The following APOLD1 variants were observed in gnomAD, a reference collection of about 807,000 sequenced individuals.
APOLD1 encodes the protein apolipoprotein L domain containing 1.
A neutral mutation model predicts 15.3 loss-of-function variants in APOLD1; 22 were observed. That is an observed-to-expected ratio of 1.44 (90% CI 1.03 to 2.05). The LOEUF (loss-of-function observed/expected upper bound fraction) is 2.05. Among genes scored for constraint, APOLD1 ranks in the 30% most tolerant of loss-of-function variants. The probability of loss-of-function intolerance (pLI) is 0.00; values close to 1 mark genes in which losing one functional copy is unlikely to be tolerated. For synonymous variants in APOLD1, 190 were observed against 167.4 expected, an observed-to-expected ratio of 1.13 and a Z score of -1.04; for missense variants, 394 against 353.5, an observed-to-expected ratio of 1.11 and a Z score of -0.92.
At chr12:12,764,109 C>G (rs1437474834) in intron 1 of APOLD1, among the ~76,000 whole-genome samples, 1 of 152,068 alleles carries the variant, frequency 6.6e-6, no homozygotes, top group African/African-American at 2.4e-5. Flanking sequence ...ATTGCAGGTG[C>G]CTGCCACCAT....
intron 1 of APOLD1, chr12:12,771,497 A>C: frequency 4.0e-6 from 2 of 494,460 alleles, no homozygotes; most frequent in Non-Finnish European, 7.9e-6. Context: ...TTTCCAGCAA[A>C]TTGGCAGAGA....
At chr12:12,736,191 A>C (rs79375472) in intron 1 of APOLD1, among the ~76,000 whole-genome samples, 32,122 of 151,992 alleles carry the variant, frequency 0.21, 4,193 homozygotes, top group East Asian at 0.45. Flanking sequence ...CTCTACTAAA[A>C]ATACAAAAAA....
chr12:12,744,433 A>AC (rs1189019755), intron 1 of APOLD1, among the ~76,000 whole-genome samples: 5 of 151,060 alleles, frequency 3.3e-5, no homozygotes, highest in African/African-American at 4.9e-5. Context: ...ACATGGTGAA[A>AC]CCCCATCTCT....
Position 12,788,641 on chromosome 12 carries a change from A to G in APOLD1, c.*989A>G, listed in dbSNP as rs975680099. 2.0e-5 allele frequency: 3 copies of G among 152,156 alleles called. No homozygotes were observed. The highest frequency in any genetic ancestry group is 7.2e-5 in the African/African-American group (3 of 41,436). 9.4% of individuals were successfully genotyped at this position (152,156 alleles called of 1,614,324 possible). On this transcript the variant is annotated 3_prime_UTR_variant, in exon 2 of 2. Transcript: ENST00000356591. ...CACCCAGGAACTTGTTAGAAAGGCA[A>G]ATTCTTGGACACAACCCTCCTGATT...
intron 1 of APOLD1, among the ~76,000 whole-genome samples, chr12:12,740,946 A>G (rs1325256590): frequency 6.6e-6 from 1 of 152,170 alleles, no homozygotes; most frequent in South Asian, 2.1e-4. Context: ...CAGAATGCCA[A>G]TTACTCAATA....
Position 12,787,462 on chromosome 12 carries a change from G to T in APOLD1, c.557G>T (p.Gly186Val), listed in dbSNP as rs753531326. The T allele has an allele frequency of 6.2e-7, 1 of 1,614,188 alleles. No individual in the cohort carries two copies. Among genetic ancestry groups the T allele is most frequent in the South Asian group, 1.1e-5 (1 of 91,088 alleles). ...TTCCTCATCCCCAGGCGGGCGGAGG[G>T]GGACACCAAGGTTAGCCAGGCCGTG... ...RGFLIPRRAE[G>V]DTKVSQAVLK... Residue 186 changes from glycine to valine, a missense_variant, in exon 2 of 2, where the codon GGG becomes GTG. Coordinates refer to ENST00000356591, the MANE Select transcript of APOLD1 (RefSeq NM_030817.3). This position sits in a 1 kb window ranked among gnomAD's most constrained non-coding sequence, Gnocchi z 4.9.
chr12:12,783,139 G>A (rs1387016846), upstream of APOLD1, among the ~76,000 whole-genome samples: 1 of 152,112 alleles, frequency 6.6e-6, no homozygotes, highest in Non-Finnish European at 1.5e-5. Flanking sequence ...CTGGGAGGCG[G>A]AGATTGCAGT....
At chr12:12,726,985 G>A (rs879225121) in intron 1 of APOLD1, among the ~76,000 whole-genome samples, 2 of 152,246 alleles carry the variant, frequency 1.3e-5, no homozygotes, top group Admixed American at 1.3e-4. Context: ...TCAAGCACTA[G>A]TCTTGGATGA....
intron 1 of APOLD1, among the ~76,000 whole-genome samples, chr12:12,772,251 A>G (rs2136392719): frequency 6.6e-6 from 1 of 152,284 alleles, no homozygotes; most frequent in Admixed American, 6.5e-5. Flanking sequence ...TATATAAGAA[A>G]CCCACTTTAA....
At chr12:12,764,598 A>G in intron 1 of APOLD1, 1 of 363,534 alleles carries the variant, frequency 2.8e-6, no homozygotes, top group Non-Finnish European at 5.6e-6. Context: ...TTTAATTTTT[A>G]TAATATATTT....
chr12:12,773,624 A>G (rs1298873400), intron 1 of APOLD1, among the ~76,000 whole-genome samples: 2 of 152,220 alleles, frequency 1.3e-5, no homozygotes, highest in Non-Finnish European at 2.9e-5. Context: ...GAAATTAAAA[A>G]TAGGAAATCA....
chr12:12,750,005 T>C (rs1592295409), intron 1 of APOLD1, among the ~76,000 whole-genome samples: 1 of 152,216 alleles, frequency 6.6e-6, no homozygotes, highest in Admixed American at 6.5e-5. Flanking sequence ...CAGCTTAAGC[T>C]GTACTTGTCA....
At chr12:12,758,183 AC>A (rs949413731) in intron 1 of APOLD1, among the ~76,000 whole-genome samples, 1 of 144,674 alleles carries the variant, frequency 6.9e-6, no homozygotes, top group Non-Finnish European at 1.5e-5. Context: ...TGATCTGCCC[AC>A]CTTGGCCTCC....
At chr12:12,761,804 TGAAC>T (rs1451110090) in intron 1 of APOLD1, among the ~76,000 whole-genome samples, 3,980 of 140,316 alleles carry the variant, frequency 0.028, 305 homozygotes, top group African/African-American at 0.11. Flanking sequence ...TATATATACA[TGAAC>T]ATATACATAT....
At chr12:12,769,872 T>G (rs1315839032) in intron 1 of APOLD1, among the ~76,000 whole-genome samples, 2 of 152,182 alleles carry the variant, frequency 1.3e-5, no homozygotes, top group African/African-American at 2.4e-5. Flanking sequence ...GACTGTAGAA[T>G]GCTTCCTTTC....
At position 12,790,990 on chromosome 12, in the gene APOLD1, A is replaced by T. The variant is rs1179146102; in HGVS notation, c.*3338A>T. 2.6e-5 allele frequency: 4 copies of T among 152,136 alleles called. No individual in the cohort carries two copies. The highest frequency in any genetic ancestry group is 9.7e-5 in the African/African-American group (4 of 41,436). The allele number at this position is 152,136 out of a possible 1,614,324, so 9.4% of individuals were successfully genotyped here. A position where few individuals can be genotyped will look rare whatever the true frequency, so the allele number is the denominator to read the frequency against. On this transcript the variant is annotated 3_prime_UTR_variant, in exon 2 of 2. Coordinates refer to ENST00000356591, the MANE Select transcript of APOLD1 (RefSeq NM_030817.3). ...AAATGCCAAAGTTTGAAAAATAGGT[A>T]TGTTTGTTCTAAATGTTTAAGTGCT...
At chr12:12,751,003 G>A (rs1946809033) in intron 1 of APOLD1, among the ~76,000 whole-genome samples, 2 of 150,828 alleles carry the variant, frequency 1.3e-5, no homozygotes, top group Admixed American at 6.6e-5. Flanking sequence ...TGCCCCAGCT[G>A]TTGTTGAACT....
chr12:12,778,180 T>C (rs1179956841), intron 1 of APOLD1, among the ~76,000 whole-genome samples: 1 of 152,050 alleles, frequency 6.6e-6, no homozygotes. Context: ...TCCGCCAGCC[T>C]TGGACTCCCA....
intron 1 of APOLD1, chr12:12,771,473 T>G: frequency 4.1e-6 from 2 of 483,050 alleles, no homozygotes; most frequent in Non-Finnish European, 8.1e-6. Context: ...CAGTGCAAAG[T>G]TTTTCATCTG....
Sources: allele counts gnomAD v4.1 joint callset (sites outside exome capture counted in the v4.1 genomes callset), GRCh38; gene constraint gnomAD v4.1.1; non-coding constraint Gnocchi (gnomAD v3.1); transcripts MANE v1.5; gene names NCBI Gene and HGNC (gene_info 2026-07-23, HGNC 2026-07-21).